IRX2: variants seen among roughly 807,000 people sequenced by gnomAD.
The protein encoded by IRX2 is iroquois-class homeodomain protein IRX-2.
Under a neutral mutation model 42.9 loss-of-function variants are expected in IRX2, and 26 were observed. That is an observed-to-expected ratio of 0.61 (90% CI 0.44 to 0.84). The LOEUF is 0.84. Among genes scored for constraint, IRX2 ranks in the 40% least tolerant of loss-of-function variants. The pLI is 0.00. For missense variants in IRX2, 782 were observed against 713.9 expected, an observed-to-expected ratio of 1.10 and a Z score of -1.09; for synonymous variants, 424 against 353.9, an observed-to-expected ratio of 1.20 and a Z score of -2.22.
At chr5:2,739,848 C>CG in the IRX2 span, among the ~76,000 whole-genome samples, 1 of 152,030 alleles carries the variant, frequency 6.6e-6, no homozygotes, top group East Asian at 1.9e-4. Flanking sequence ...GGCAAGAGGT[C>CG]GGGGGAGGCC....
the IRX2 span, among the ~76,000 whole-genome samples, chr5:2,736,181 C>T: frequency 6.6e-5 from 10 of 152,196 alleles, no homozygotes; most frequent in African/African-American, 1.4e-4. Flanking sequence ...CAACAGCCCT[C>T]GGGTAGGTGA....
chr5:2,748,401 G>C lies in IRX2; in HGVS notation c.1307C>G (p.Ala436Gly). ...KAASDAGKAG[A>G]HPLESHYRSP... ...CCGGTAGTGGGACTCGAGCGGGTGCGCGCCCGCCTTGCCCGCGTCGCTGGC... is the reference window on the plus strand; with the variant it reads ...CCGGTAGTGGGACTCGAGCGGGTGCCCGCCCGCCTTGCCCGCGTCGCTGGC... The change falls in exon 3 of 4, where the codon GCG becomes GGG. Residue 436 changes from alanine to glycine, a missense_variant. By Grantham distance (60) the Ala-to-Gly change is moderately conservative. Coordinates refer to ENST00000302057, the MANE Select transcript of IRX2 (RefSeq NM_033267.5). 6.7e-7 allele frequency: 1 copy of C among 1,487,258 alleles called. No individual in the cohort carries two copies. The highest frequency in any genetic ancestry group is 8.9e-7 in the Non-Finnish European group (1 of 1,123,644). The allele number at this position is 1,487,258 out of a possible 1,614,324, so 92.1% of individuals were successfully genotyped here. A position where few individuals can be genotyped will look rare whatever the true frequency, so the allele number is the denominator to read the frequency against.
chr5:2,743,771 C>T (rs542856347), downstream of IRX2, among the ~76,000 whole-genome samples: 202 of 152,388 alleles, frequency 1.3e-3, 1 homozygote, highest in South Asian at 4.6e-3. Flanking sequence ...CTTTCTCTCT[C>T]CTTCCTTCCT....
At chr5:2,746,142 A>T (rs1737658960), downstream of IRX2, 1 of 152,088 alleles carries the variant, frequency 6.6e-6, no homozygotes, top group African/African-American at 2.4e-5. Flanking sequence ...TTCTTCTAGG[A>T]AAAATAAGCC....
the IRX2 span, among the ~76,000 whole-genome samples, chr5:2,738,285 G>C: frequency 6.6e-6 from 1 of 152,218 alleles, no homozygotes; most frequent in Non-Finnish European, 1.5e-5. Flanking sequence ...GGAAGAAGCA[G>C]GTTGGGCCCT....
chr5:2,743,637 G>T (rs746308756), downstream of IRX2, among the ~76,000 whole-genome samples: 1 of 152,132 alleles, frequency 6.6e-6, no homozygotes, highest in Non-Finnish European at 1.5e-5. Context: ...CGTCTCCCCG[G>T]CCTCAGTCAA....
Position 2,749,376 on chromosome 5 carries a change from G to A in IRX2, c.655+6C>T, listed in dbSNP as rs200570105. ...CGAGACCTTGCGCCGGCCGCTGCCC[G>A]CTCACCTTCGTCCTCTGCCGAGGTC... On this transcript the variant is annotated splice_donor_region_variant and intron_variant, in intron 2 of 3. Transcript: ENST00000302057. 44 of 1,588,946 alleles carry A rather than the reference G, an allele frequency of 2.8e-5. No individual in the cohort carries two copies. In the East Asian group the frequency reaches 7.4e-4, roughly 27 times the overall value.
In IRX2 at chr5:2,751,181, C is replaced by A; in HGVS notation, c.233G>T (p.Gly78Val). 7.9e-7 allele frequency: 1 copy of A among 1,266,648 alleles called. No homozygotes were observed. The highest frequency in any genetic ancestry group is 9.9e-7 in the Non-Finnish European group (1 of 1,007,936). The allele number at this position is 1,266,648 out of a possible 1,614,324, so 78.5% of individuals were successfully genotyped here. ...YSADAAAAAA[G>V]FPSYMGAPYD... ...CCCGGTTACCATGTAGGACGGGAAGCCGGCGGCGGCGGCGGCGGCGTCGGC... is the reference window on the plus strand; with the variant it reads ...CCCGGTTACCATGTAGGACGGGAAGACGGCGGCGGCGGCGGCGGCGTCGGC... The change falls in exon 1 of 4, where the codon GGC (glycine) becomes GTC (valine). Residue 78 changes from glycine to valine, a missense_variant. Around this residue, in one of 3 missense-constraint regions of IRX2, gnomAD observed 256 missense variants for 250.0 expected, o/e 1.02. Transcript: ENST00000302057. This position sits in a 1 kb window ranked among gnomAD's most constrained non-coding sequence, Gnocchi z 4.0.
chr5:2,740,107 C>G, the IRX2 span, among the ~76,000 whole-genome samples: 54 of 152,066 alleles, frequency 3.6e-4, 2 homozygotes, highest in Non-Finnish European at 5.9e-5. Flanking sequence ...CTCCAGGGCA[C>G]CGGGTCGCAA....
the IRX2 span, among the ~76,000 whole-genome samples, chr5:2,738,399 G>A: frequency 1.3e-5 from 2 of 152,160 alleles, no homozygotes; most frequent in Admixed American, 6.5e-5. Context: ...TTTTTCCATT[G>A]CTTGAGAGCC....
chr5:2,748,268 G>A, intron 3 of IRX2, 77 bp downstream of exon 3: 1 of 1,285,408 alleles, frequency 7.8e-7, no homozygotes, highest in African/African-American at 1.6e-5. Flanking sequence ...ACCCTCCCTC[G>A]GGTCTCCCGG....
chr5:2,748,853 C>G lies in IRX2; in HGVS notation c.855G>C (p.Ser285=), dbSNP rs769501214. The G allele has an allele frequency of 5.7e-6, 9 of 1,580,946 alleles. No individual in the cohort carries two copies. In the South Asian group the frequency reaches 1.0e-4, roughly 18 times the overall value. The change falls in exon 3 of 4, where the codon TCG becomes TCC. Residue 285 remains serine (S), a synonymous_variant. Coordinates refer to ENST00000302057, the MANE Select transcript of IRX2 (RefSeq NM_033267.5). ...GCGCCTCCAAGCCGGTAAGCGGCGACGAGGTCACGGGCTTGGGCGGCGCCA... is the reference window on the plus strand; with the variant it reads ...GCGCCTCCAAGCCGGTAAGCGGCGAGGAGGTCACGGGCTTGGGCGGCGCCA... ...RGLAPPKPVT[S]SPLTGLEAPL... is the part of the protein sequence containing the mutation.
At chr5:2,743,470 A>G (rs1275499906), downstream of IRX2, among the ~76,000 whole-genome samples, 1 of 151,954 alleles carries the variant, frequency 6.6e-6, no homozygotes, top group African/African-American at 2.4e-5. Context: ...AATCAGCTCT[A>G]AGGAAACCCT....
chr5:2,747,835 G>A (rs1737730794), intron 3 of IRX2, among the ~76,000 whole-genome samples: 2 of 152,338 alleles, frequency 1.3e-5, no homozygotes, highest in African/African-American at 2.4e-5. Flanking sequence ...GAGCAACACA[G>A]GCAACATAGC....
At chr5:2,743,448 C>T (rs910189771), downstream of IRX2, among the ~76,000 whole-genome samples, 9 of 151,638 alleles carry the variant, frequency 5.9e-5, no homozygotes, top group Admixed American at 2.0e-4. Context: ...GATTAAAGCG[C>T]GAATTCCGAT....
chr5:2,737,934 T>C, the IRX2 span, among the ~76,000 whole-genome samples: 1 of 152,010 alleles, frequency 6.6e-6, no homozygotes, highest in South Asian at 2.1e-4. Context: ...CCTGGGGGTG[T>C]CCCCCTGCCC....
chr5:2,738,258 C>T, the IRX2 span, among the ~76,000 whole-genome samples: 79 of 152,328 alleles, frequency 5.2e-4, no homozygotes, highest in African/African-American at 1.7e-3. Context: ...AGCCCCCTCC[C>T]GGTCACAGGC....
chr5:2,749,646 C>T lies in IRX2; in HGVS notation c.391G>A (p.Ala131Thr). ...TTCTTGCGGTGCTCGTTGAGCCAGG[C>T]CTTGAGAGTGGCCGTGGCGTCCCGC... is the stretch of plus-strand genomic sequence containing the variant. Reference protein sequence around the residue: ...ATRDATATLKAWLNEHRKNPY... With the variant: ...ATRDATATLKTWLNEHRKNPY... Residue 131 changes from alanine to threonine, a missense_variant, in exon 2 of 4, where the codon GCC becomes ACC. By Grantham distance (58) the Ala-to-Thr change is moderately conservative. This residue lies in a region of IRX2 where 256 missense variants were observed against 250.0 expected (regional missense o/e 1.02). Coordinates refer to ENST00000302057, the MANE Select transcript of IRX2 (RefSeq NM_033267.5). 1 of 1,614,212 alleles carries T rather than the reference C, an allele frequency of 6.2e-7. No homozygotes were observed. Among genetic ancestry groups the T allele is most frequent in the Non-Finnish European group, 8.5e-7 (1 of 1,180,038 alleles).
Position 2,749,398 on chromosome 5 carries a change from G to A in IRX2, c.639C>T (p.Thr213=), listed in dbSNP as rs1361350482. The A allele has an allele frequency of 6.2e-7, 1 of 1,610,864 alleles. No individual in the cohort carries two copies. The highest frequency in any genetic ancestry group is 1.3e-5 in the African/African-American group (1 of 74,572). The change falls in exon 2 of 4, where the codon ACC becomes ACT. Residue 213 remains threonine, a synonymous_variant. Coordinates refer to ENST00000302057, the MANE Select transcript of IRX2 (RefSeq NM_033267.5). The part of the protein sequence containing the change: ...SPDKAQEGTE[T]SAEDEGISLH... ...CCCGCTCACCTTCGTCCTCTGCCGA[G>A]GTCTCCGTGCCCTCCTGCGCCTTGT...
Sources: allele counts gnomAD v4.1 joint callset (sites outside exome capture counted in the v4.1 genomes callset), GRCh38; gene constraint gnomAD v4.1.1; regional missense constraint gnomAD v4.1.1; non-coding constraint Gnocchi (gnomAD v3.1); transcripts MANE v1.5; gene names NCBI Gene and HGNC (gene_info 2026-07-23, HGNC 2026-07-21).